RPS23: variants seen among roughly 807,000 people sequenced by gnomAD.
RPS23 encodes small ribosomal subunit protein uS12.
For missense variants in RPS23, 73 were observed against 174.5 expected, an observed-to-expected ratio of 0.42 and a Z score of 3.28; for synonymous variants, 66 against 60.4, an observed-to-expected ratio of 1.09 and a Z score of -0.43.
At position 82,275,042 on chromosome 5, in the gene RPS23, A is replaced by G. The variant is rs1182880518; in HGVS notation, c.*1067T>C. 1.7e-6 allele frequency: 1 copy of G among 577,576 alleles called. No individual in the cohort carries two copies. The highest frequency in any genetic ancestry group is 1.9e-5 in the African/African-American group (1 of 53,484). 35.8% of individuals were successfully genotyped at this position (577,576 alleles called of 1,614,324 possible). A position where few individuals can be genotyped will look rare whatever the true frequency, so the allele number is the denominator to read the frequency against. On this transcript the variant is annotated 3_prime_UTR_variant, in exon 4 of 4. Coordinates refer to ENST00000296674, the MANE Select transcript of RPS23 (RefSeq NM_001025.5). ...GTGCCAAGGAGAGAAATGGCAGGCT[A>G]AGGCTGGAATATGCAGGTATGAAGC...
In RPS23 at chr5:82,276,154, A is replaced by T; in HGVS notation, c.387T>A (p.Ser129=). Residue 129 remains serine (S), a synonymous_variant, in exon 4 of 4, where the codon TCT becomes TCA. Transcript: ENST00000296674. ...RFKVVKVANV[S]LLALYKGKKE... is the part of the protein sequence containing the mutation. ...TCTTGCCTTTGTATAGGGCCAAAAGAGAAACATTGGCTACTTTGACAACCT... is the reference window on the plus strand; with the variant it reads ...TCTTGCCTTTGTATAGGGCCAAAAGTGAAACATTGGCTACTTTGACAACCT... The T allele has an allele frequency of 6.2e-7, 1 of 1,611,308 alleles. No individual in the cohort carries two copies. Among genetic ancestry groups the T allele is most frequent in the Non-Finnish European group, 8.5e-7 (1 of 1,179,248 alleles).
chr5:82,277,281 A>T, intron 2 of RPS23: 1 of 216,092 alleles, frequency 4.6e-6, no homozygotes, highest in South Asian at 6.7e-5. Context: ...AAAACCAGTC[A>T]AATACTGGCA....
chr5:82,276,098 A>C lies in RPS23; in HGVS notation c.*11T>G. On this transcript the variant is annotated 3_prime_UTR_variant, in exon 4 of 4. Transcript: ENST00000296674. ...GAAAATTTATTACTACAGTGTTTTC[A>C]CCATTAATATTTATGATCTTGGTCT... 2.5e-6 allele frequency: 4 copies of C among 1,598,966 alleles called. No homozygotes were observed. Among genetic ancestry groups the C allele is most frequent in the Non-Finnish European group, 3.4e-6 (4 of 1,175,780 alleles).
At position 82,274,752 on chromosome 5, in the gene RPS23, G is replaced by A. The variant is rs1747734134; in HGVS notation, c.*1357C>T. 6.1e-6 allele frequency: 1 copy of A among 163,644 alleles called. No individual in the cohort carries two copies. Among genetic ancestry groups the A allele is most frequent in the African/African-American group, 2.4e-5 (1 of 41,722 alleles). The allele number at this position is 163,644 out of a possible 1,614,324, so 10.1% of individuals were successfully genotyped here. The stretch of plus-strand genomic sequence containing the variant: ...ATCCGAAAGCATCTGTTGAGCCCCT[G>A]GGAACAGCTTAGCCAAATACTGACT... On this transcript the variant is annotated 3_prime_UTR_variant, in exon 4 of 4. Coordinates refer to ENST00000296674, the MANE Select transcript of RPS23 (RefSeq NM_001025.5).
chr5:82,278,285 C>G (rs1202272192), intron 1 of RPS23, 35 bp downstream of exon 1: 6 of 1,606,600 alleles, frequency 3.7e-6, no homozygotes, highest in South Asian at 1.1e-5. Flanking sequence ...CCAAGTCCCG[C>G]TTGCAGCGCC....
At chr5:82,277,616 T>G in intron 2 of RPS23, 77 bp downstream of exon 2, 1 of 1,453,940 alleles carries the variant, frequency 6.9e-7, no homozygotes, top group Non-Finnish European at 9.6e-7. Flanking sequence ...CTGCAATTAC[T>G]TTCAAAACAA....
At chr5:82,278,193 T>G in intron 1 of RPS23, 127 bp downstream of exon 1, 1 of 1,008,354 alleles carries the variant, frequency 9.9e-7, no homozygotes. Flanking sequence ...GGAGCGGCGC[T>G]TCCCCGGCCC....
At chr5:82,276,630 A>C in intron 2 of RPS23, 112 bp from the exon 3 acceptor site, 3 of 1,375,620 alleles carry the variant, frequency 2.2e-6, no homozygotes, top group Non-Finnish European at 2.0e-6. Context: ...TCTAACCTCA[A>C]ATGGCTGAGC....
intron 2 of RPS23, 90 bp from the exon 3 acceptor site, chr5:82,276,608 C>T (rs1156905796): frequency 4.0e-6 from 6 of 1,516,076 alleles, no homozygotes; most frequent in Non-Finnish European, 4.5e-6. Context: ...GAAACTGTTT[C>T]TATCTTTTCA....
chr5:82,276,393 C>A lies in RPS23; in HGVS notation c.285+5G>T. Reference sequence around the variant, plus strand: ...CAGAAGGTACGATAGAGTTGAAATACTCACCTCAATAAAGTTCAAGCAACC... The same window carrying A: ...CAGAAGGTACGATAGAGTTGAAATAATCACCTCAATAAAGTTCAAGCAACC... On this transcript the variant is annotated splice_donor_5th_base_variant and intron_variant, in intron 3 of 3. Coordinates refer to ENST00000296674, the MANE Select transcript of RPS23 (RefSeq NM_001025.5). 6.2e-7 allele frequency: 1 copy of A among 1,613,654 alleles called. No homozygotes were observed. Among genetic ancestry groups the A allele is most frequent in the Non-Finnish European group, 8.5e-7 (1 of 1,179,612 alleles).
chr5:82,277,324 A>C (rs563430085), intron 2 of RPS23: 198 of 305,368 alleles, frequency 6.5e-4, no homozygotes, highest in African/African-American at 4.2e-3. Flanking sequence ...GTATGACCTC[A>C]ATTAATTCTG....
chr5:82,274,518 T>TG lies in RPS23; in HGVS notation c.*1590dup, dbSNP rs1747728115. On this transcript the variant is annotated 3_prime_UTR_variant, in exon 4 of 4. Transcript: ENST00000296674. Reference sequence around the variant, plus strand: ...AAGGCAGGTAACCAGGCCACATCCCTGGGCGCCCGCGCTGTCCCACTCCCT... The same window carrying TG: ...AAGGCAGGTAACCAGGCCACATCCCTGGGGCGCCCGCGCTGTCCCACTCCCT... 6.6e-6 allele frequency: 1 copy of TG among 152,526 alleles called. No homozygotes were observed. The highest frequency in any genetic ancestry group is 2.4e-5 in the African/African-American group (1 of 41,472). The allele number at this position is 152,526 out of a possible 1,614,324, so 9.4% of individuals were successfully genotyped here.
rs777272747 is a variant in RPS23 at position 82,276,186 on chromosome 5, G to A, written c.355C>T (p.Arg119Cys). 3 of 1,612,042 alleles carry A rather than the reference G, an allele frequency of 1.9e-6. No homozygotes were observed. The highest frequency in any genetic ancestry group is 1.7e-6 in the Non-Finnish European group (2 of 1,179,374). ...GHAVGDIPGVRFKVVKVANVS... is the reference protein window; with the variant it reads ...GHAVGDIPGVCFKVVKVANVS... ...TTGGCTACTTTGACAACCTTAAAGCGGACTCCAGGAATATCACCAACAGCA... is the reference window on the plus strand; with the variant it reads ...TTGGCTACTTTGACAACCTTAAAGCAGACTCCAGGAATATCACCAACAGCA... Residue 119 changes from arginine to cysteine, a missense_variant, in exon 4 of 4, where the codon CGC (arginine) becomes TGC (cysteine). Physicochemically the swap from Arg to Cys is radical, Grantham distance 180. Coordinates refer to ENST00000296674, the MANE Select transcript of RPS23 (RefSeq NM_001025.5).
chr5:82,275,363 C>G lies in RPS23; in HGVS notation c.*746G>C. The G allele has an allele frequency of 1.4e-6, 1 of 701,756 alleles. No homozygotes were observed. Among genetic ancestry groups the G allele is most frequent in the South Asian group, 1.5e-5 (1 of 67,454 alleles). The allele number at this position is 701,756 out of a possible 1,614,324, so 43.5% of individuals were successfully genotyped here. ...ATACCTAGCTTAAATTATCAAAACA[C>G]AACCAATCTTGTCTCTACACTAAAC... On this transcript the variant is annotated 3_prime_UTR_variant, in exon 4 of 4. Transcript: ENST00000296674.
rs138068758 is a variant in RPS23, at chr5:82,276,919, C to T, written c.165-401G>A. 751 of 176,414 alleles carry T rather than the reference C, an allele frequency of 4.3e-3. 7 individuals are homozygous for T. The highest frequency in any genetic ancestry group is 0.016 in the African/African-American group (687 of 41,848). The allele number at this position is 176,414 out of a possible 1,614,324, so 10.9% of individuals were successfully genotyped here. On this transcript the variant is annotated intron_variant, in intron 2 of 3. Transcript: ENST00000296674. ...AAAGTCTGGGCCGGACACAGTGGCTCACGCCTGTAATTCCAGCACTTTCGG... is the reference window on the plus strand; with the variant it reads ...AAAGTCTGGGCCGGACACAGTGGCTTACGCCTGTAATTCCAGCACTTTCGG...
Position 82,277,725 on chromosome 5 carries a change from A to C in RPS23, c.132T>G (p.Ala44=), listed in dbSNP as rs1747934456. The change falls in exon 2 of 4, where the codon GCT becomes GCG. Residue 44 remains alanine, a synonymous_variant. Coordinates refer to ENST00000296674, the MANE Select transcript of RPS23 (RefSeq NM_001025.5). The part of the protein sequence containing the change: ...TALKANPFGG[A]SHAKGIVLEK... ...CCAGCACGATTCCTTTTGCATGAGA[A>C]GCACCTCCAAAAGGGTTGGCCTTTA... 2 of 1,613,908 alleles carry C rather than the reference A, an allele frequency of 1.2e-6. No homozygotes were observed. Among genetic ancestry groups the C allele is most frequent in the Admixed American group, 3.3e-5 (2 of 60,012 alleles).
chr5:82,275,047 T>G lies in RPS23; in HGVS notation c.*1062A>C. The G allele has an allele frequency of 1.7e-6, 1 of 582,224 alleles. No homozygotes were observed. The highest frequency in any genetic ancestry group is 3.1e-6 in the Non-Finnish European group (1 of 326,976). The allele number at this position is 582,224 out of a possible 1,614,324, so 36.1% of individuals were successfully genotyped here. On this transcript the variant is annotated 3_prime_UTR_variant, in exon 4 of 4. Coordinates refer to ENST00000296674, the MANE Select transcript of RPS23 (RefSeq NM_001025.5). The stretch of plus-strand genomic sequence containing the variant: ...AAGGAGAGAAATGGCAGGCTAAGGC[T>G]GGAATATGCAGGTATGAAGCGCAAC...
Position 82,275,008 on chromosome 5 carries a change from G to C in RPS23, c.*1101C>G, listed in dbSNP as rs181981857. The C allele has an allele frequency of 3.6e-6, 2 of 548,326 alleles. No homozygotes were observed. Among genetic ancestry groups the C allele is most frequent in the African/African-American group, 3.8e-5 (2 of 53,082 alleles). The allele number at this position is 548,326 out of a possible 1,614,324, so 34.0% of individuals were successfully genotyped here. On this transcript the variant is annotated 3_prime_UTR_variant, in exon 4 of 4. Coordinates refer to ENST00000296674, the MANE Select transcript of RPS23 (RefSeq NM_001025.5). ...TGACCAACTGAGACCAGTGTTGCTGGAGCACAAAGTGCCAAGGAGAGAAAT... is the reference window on the plus strand; with the variant it reads ...TGACCAACTGAGACCAGTGTTGCTGCAGCACAAAGTGCCAAGGAGAGAAAT...
Position 82,273,492 on chromosome 5 carries a change from A to G in RPS23, c.*2617T>C, listed in dbSNP as rs3739. 0.32 allele frequency: 47,602 copies of G among 148,516 alleles called. 9,921 individuals carry two copies. Among genetic ancestry groups the G allele is most frequent in the African/African-American group, 0.43 (16,553 of 38,144 alleles). 9.2% of individuals were successfully genotyped at this position (148,516 alleles called of 1,614,324 possible). A position where few individuals can be genotyped will look rare whatever the true frequency, so the allele number is the denominator to read the frequency against. On this transcript the variant is annotated 3_prime_UTR_variant, in exon 4 of 4. Coordinates refer to ENST00000296674, the MANE Select transcript of RPS23 (RefSeq NM_001025.5). ...CTAGGGGATATGTGACAGGGGTTTC[A>G]TGCACTGGTACAGAACACAACAGGG...
Sources: allele counts gnomAD v4.1 joint callset, GRCh38; gene constraint gnomAD v4.1.1; transcripts MANE v1.5; gene names NCBI Gene and HGNC (gene_info 2026-07-23, HGNC 2026-07-21).